The following SMIM36 variants were observed in gnomAD, a reference collection of about 807,000 sequenced individuals.
SMIM36 encodes small integral membrane protein 36.
chr17:55,524,121 C>T, the SMIM36 span, among the ~76,000 whole-genome samples: 12,153 of 152,066 alleles, frequency 0.08, 692 homozygotes, highest in Non-Finnish European at 0.12. Flanking sequence ...TTCCCCTTTG[C>T]GTCTATAAAT....
chr17:55,515,102 T>G (rs960136986), upstream of SMIM36, among the ~76,000 whole-genome samples: 5 of 137,556 alleles, frequency 3.6e-5, no homozygotes, highest in African/African-American at 1.2e-4. Flanking sequence ...TTTTTTTTTT[T>G]TTTTTTTTTT....
the SMIM36 span, among the ~76,000 whole-genome samples, chr17:55,529,609 T>TACACACACACACACACACACAC: frequency 7.0e-5 from 10 of 142,920 alleles, no homozygotes; most frequent in African/African-American, 2.3e-4. Context: ...CTACTAAAAA[T>TACACACACACACACACACACAC]ACACACACAC....
Position 55,450,301 on chromosome 17 carries a change from A to G in SMIM36, c.*532-3T>C, listed in dbSNP as rs1001290191. 1.3e-5 allele frequency: 2 copies of G among 152,028 alleles called. No individual in the cohort carries two copies. The highest frequency in any genetic ancestry group is 1.3e-4 in the Admixed American group (2 of 15,270). 9.4% of individuals were successfully genotyped at this position (152,028 alleles called of 1,614,324 possible). A position where few individuals can be genotyped will look rare whatever the true frequency, so the allele number is the denominator to read the frequency against. ...CCTTGATTTCATACTCCTGGCTTCT[A>G]GAATATGAAAGAAAAAAAATTTCTG... On this transcript the variant is annotated splice_polypyrimidine_tract_variant and splice_region_variant and intron_variant, in intron 4 of 4. Coordinates refer to ENST00000636752, the Ensembl canonical transcript of SMIM36.
At chr17:55,456,610 A>G (rs748466178) in intron 4 of SMIM36, among the ~76,000 whole-genome samples, 2 of 152,234 alleles carry the variant, frequency 1.3e-5, no homozygotes, top group African/African-American at 4.8e-5. Context: ...AGATATGGGC[A>G]TTCAAGGACA....
At chr17:55,530,111 C>T in the SMIM36 span, among the ~76,000 whole-genome samples, 45,238 of 152,160 alleles carry the variant, frequency 0.3, 7,069 homozygotes, top group East Asian at 0.49. Flanking sequence ...CTGAAAACAA[C>T]AAAGCTTTAA....
intron 3 of SMIM36, among the ~76,000 whole-genome samples, chr17:55,471,516 C>T (rs1380832814): frequency 6.6e-6 from 1 of 152,168 alleles, no homozygotes; most frequent in Non-Finnish European, 1.5e-5. Context: ...ATCCCCACCA[C>T]CAAACAGCAA....
chr17:55,469,945 G>A (rs929829177), intron 3 of SMIM36, among the ~76,000 whole-genome samples: 3 of 151,550 alleles, frequency 2.0e-5, no homozygotes, highest in Non-Finnish European at 4.4e-5. Flanking sequence ...TTGTGCCATT[G>A]TACTCCAGCC....
chr17:55,458,010 T>C (rs4312363), intron 4 of SMIM36, among the ~76,000 whole-genome samples: 111,543 of 151,968 alleles, frequency 0.73, 41,642 homozygotes, highest in Middle Eastern at 0.81. Flanking sequence ...GTATGTGCTC[T>C]CCGCTTTTAG....
upstream of SMIM36, among the ~76,000 whole-genome samples, chr17:55,515,362 G>A (rs1171785108): frequency 6.6e-6 from 1 of 152,096 alleles, no homozygotes; most frequent in African/African-American, 2.4e-5. Context: ...AGCCTCTGGA[G>A]AAATACTGCC....
intron 4 of SMIM36, among the ~76,000 whole-genome samples, chr17:55,462,373 G>A (rs1264815368): frequency 6.6e-6 from 1 of 152,156 alleles, no homozygotes; most frequent in Non-Finnish European, 1.5e-5. Context: ...CACTTTGGGA[G>A]GCCAAGGCAG....
the SMIM36 span, among the ~76,000 whole-genome samples, chr17:55,517,727 A>G: frequency 2.6e-5 from 4 of 152,238 alleles, no homozygotes; most frequent in African/African-American, 9.6e-5. Flanking sequence ...TATCCTTAGG[A>G]TTAAATTGGA....
chr17:55,492,808 G>A (rs1357933117), intron 1 of SMIM36, among the ~76,000 whole-genome samples: 1 of 152,156 alleles, frequency 6.6e-6, no homozygotes, highest in African/African-American at 2.4e-5. Context: ...GTTTCACATT[G>A]TTAAAGTTCC....
intron 1 of SMIM36, among the ~76,000 whole-genome samples, chr17:55,498,997 A>T (rs34101443): frequency 1.3e-5 from 1 of 75,258 alleles, no homozygotes; most frequent in Non-Finnish European, 2.4e-5. Flanking sequence ...AGACTCTGTC[A>T]CCAAAAAAAA....
Position 55,501,439 on chromosome 17 carries a change from T to TATATATTATTATATA in SMIM36, c.*174+9439_*174+9440insTATATAATAATATAT, listed in dbSNP as rs1567871242. Among the ~76,000 whole-genome samples the TATATATTATTATATA allele has an allele frequency of 1.9e-4, 14 of 73,552 alleles. No homozygotes were observed. The East Asian group carries it at 4.8e-3, about 25-fold the overall frequency. 48.3% of individuals were successfully genotyped at this position (73,552 alleles called of 152,430 possible). On this transcript the variant is annotated intron_variant, in intron 1 of 4. Transcript: ENST00000636752. ...TAAAATATAATATATTATTATATAT[T>TATATATTATTATATA]ATAAAATATAATATATTATTATATA...
chr17:55,458,594 C>T (rs771903344), intron 4 of SMIM36: 1 of 139,110 alleles, frequency 7.2e-6, no homozygotes, highest in Non-Finnish European at 1.6e-5. Context: ...ACCACACACA[C>T]ATCCTAGCGG....
At chr17:55,489,655 C>A (rs1051190573) in intron 1 of SMIM36, among the ~76,000 whole-genome samples, 1 of 152,178 alleles carries the variant, frequency 6.6e-6, no homozygotes, top group Non-Finnish European at 1.5e-5. Flanking sequence ...CTTCCCATGG[C>A]AGTTCATGCA....
the SMIM36 span, among the ~76,000 whole-genome samples, chr17:55,530,055 C>T: frequency 2.2e-4 from 34 of 152,304 alleles, no homozygotes; most frequent in African/African-American, 8.2e-4. Context: ...CTGAGTTCTC[C>T]TCCTAAGCCC....
At chr17:55,500,314 G>A (rs1042547611) in intron 1 of SMIM36, among the ~76,000 whole-genome samples, 3 of 151,774 alleles carry the variant, frequency 2.0e-5, no homozygotes, top group Admixed American at 6.6e-5. Context: ...TTATAGAGAC[G>A]GGCTCTTGCT....
the SMIM36 span, among the ~76,000 whole-genome samples, chr17:55,517,892 A>C: frequency 1.3e-5 from 2 of 152,254 alleles, no homozygotes; most frequent in Non-Finnish European, 2.9e-5. Context: ...TAGGAAGAGA[A>C]GAGGAATAAG....
Sources: gnomAD v4.1 joint callset for allele counts (sites outside exome capture counted in the v4.1 genomes callset) on GRCh38, gnomAD v4.1.1 for gene constraint, MANE v1.5 for transcripts, NCBI Gene and HGNC (gene_info 2026-07-23, HGNC 2026-07-21) for gene names.